Variants in DACT1 observed in about 807,000 individuals in gnomAD.
DACT1 encodes dapper homolog 1.
In DACT1, 19 loss-of-function variants were observed where a neutral mutation model predicts 35.3. The observed-to-expected ratio is 0.54, with a 90% CI of 0.38 to 0.79. The LOEUF (loss-of-function observed/expected upper bound fraction) is 0.79. DACT1 is among the 30% of genes least tolerant of loss of function. The pLI is 0.00. For missense variants in DACT1, 1,143 were observed against 1,057.5 expected (o/e 1.08, Z -1.12); for synonymous variants, 545 against 466.7 (o/e 1.17, Z -2.16).
chr14:58,640,106 G>C lies in DACT1; in HGVS notation c.346-630G>C, dbSNP rs571081822. On this transcript the variant is annotated intron_variant, in intron 1 of 3. Transcript: ENST00000395153. The stretch of plus-strand genomic sequence containing the variant: ...AAGCACTAGGTGGCAGTGTGAGTTA[G>C]CACAATCCATCTGTCACCTTTGGAA... Among the ~76,000 whole-genome samples the C allele has an allele frequency of 4.6e-5, 7 of 152,316 alleles. No individual in the cohort carries two copies. The South Asian group carries it at 1.5e-3, about 32-fold the overall frequency.
chr14:58,638,808 TC>T, intron 1 of DACT1: 1 of 1,167,902 alleles, frequency 8.6e-7, no homozygotes, highest in South Asian at 4.4e-5. Context: ...TGGCCGCTCT[TC>T]CCTCCTCCTC....
At chr14:58,641,568 T>C in intron 2 of DACT1, 24 bp from the exon 3 acceptor site, 1 of 1,606,056 alleles carries the variant, frequency 6.2e-7, no homozygotes, top group Non-Finnish European at 8.5e-7. Context: ...ATGATGTTAA[T>C]TCCAACGGTG....
chr14:58,642,115 GTGC>G (rs1387410243), intron 3 of DACT1, among the ~76,000 whole-genome samples: 11 of 152,306 alleles, frequency 7.2e-5, no homozygotes, highest in African/African-American at 2.6e-4. Context: ...ACTCAGCCAG[GTGC>G]AGTGGCTCAC....
chr14:58,638,676 C>A lies in DACT1; in HGVS notation c.345+129C>A, dbSNP rs563143762. ...CTCGCTGTTATGGGACGCCCCCGAC[C>A]GCCCCATACCTCCCTGATCCCCTTC... On this transcript the variant is annotated intron_variant, in intron 1 of 3. Coordinates refer to ENST00000395153, the MANE Select transcript of DACT1 (RefSeq NM_001079520.2). 1.2e-4 allele frequency: 145 copies of A among 1,209,440 alleles called. No homozygotes were observed. The Middle Eastern group carries it at 1.9e-3, about 16-fold the overall frequency. The allele number at this position is 1,209,440 out of a possible 1,614,324, so 74.9% of individuals were successfully genotyped here.
At position 58,646,762 on chromosome 14, in the gene DACT1, C is replaced by T. The variant is rs778935261; in HGVS notation, c.2028C>T (p.Tyr676=). ...GLYPAPVPLP[Y]ASPYAYVASD... is the part of the protein sequence containing the mutation. ...ACCCCGCGCCTGTGCCTCTGCCCTA[C>T]GCCAGCCCCTACGCCTACGTGGCTA... The change falls in exon 4 of 4, where the codon TAC becomes TAT. Residue 676 remains tyrosine, a synonymous_variant. Coordinates refer to ENST00000395153, the MANE Select transcript of DACT1 (RefSeq NM_001079520.2). 31 of 1,614,046 alleles carry T rather than the reference C, an allele frequency of 1.9e-5. No individual in the cohort carries two copies. In the African/African-American group the frequency reaches 3.5e-4, roughly 18 times the overall value.
Position 58,645,546 on chromosome 14 carries a change from G to A in DACT1, c.812G>A (p.Gly271Glu). The change falls in exon 4 of 4, where the codon GGA (glycine) becomes GAA (glutamate). Residue 271 changes from glycine (G) to glutamate (E), a missense_variant. Gly to Glu is a moderately conservative substitution (Grantham distance 98). This residue lies in a region of DACT1 where 1,054 missense variants were observed against 958.8 expected (regional missense o/e 1.10). Transcript: ENST00000395153. ...AACCATGCCAGTGACATTTGCGGTGGATCTGAGCTAGATGCCGTCAAAACA... is the reference window on the plus strand; with the variant it reads ...AACCATGCCAGTGACATTTGCGGTGAATCTGAGCTAGATGCCGTCAAAACA... ...LGNHASDICGGSELDAVKTDS... is the reference protein window; with the variant it reads ...LGNHASDICGESELDAVKTDS... The A allele has an allele frequency of 1.2e-6, 2 of 1,614,234 alleles. No individual in the cohort carries two copies. The highest frequency in any genetic ancestry group is 1.1e-5 in the South Asian group (1 of 91,088).
chr14:58,647,100 G>A lies in DACT1; in HGVS notation c.2366G>A (p.Arg789Gln), dbSNP rs977882241. 10 of 1,613,888 alleles carry A rather than the reference G, an allele frequency of 6.2e-6. No homozygotes were observed. Among genetic ancestry groups the A allele is most frequent in the African/African-American group, 4.0e-5 (3 of 74,854 alleles). ...HNLKKKILRF[R>Q]SGSLKLMTTV ...CTCAAGAAGAAGATCCTCCGCTTTC[G>A]GTCTGGCTCTTTGAAACTGATGACG... The change falls in exon 4 of 4, where the codon CGG becomes CAG. Residue 789 changes from arginine (R) to glutamine (Q), a missense_variant. By Grantham distance (43) the Arg-to-Gln change is conservative. Coordinates refer to ENST00000395153, the MANE Select transcript of DACT1 (RefSeq NM_001079520.2).
Position 58,643,057 on chromosome 14 carries a change from A to C in DACT1, c.634+1310A>C, listed in dbSNP as rs192915511. 9.5e-3 allele frequency among the ~76,000 whole-genome samples: 1,445 copies of C among 152,274 alleles called. 18 individuals carry two copies. Among genetic ancestry groups the C allele is most frequent in the Non-Finnish European group, 0.014 (943 of 68,026 alleles). On this transcript the variant is annotated intron_variant, in intron 3 of 3. Transcript: ENST00000395153. ...TGTATTAAAAAAATGAGTCCTAGTA[A>C]GGTTACATATGTTATTTAAGGCTCT...
rs368082534 is a variant in DACT1, at chr14:58,645,992, A to C, written c.1258A>C (p.Lys420Gln). 1 of 1,614,038 alleles carries C rather than the reference A, an allele frequency of 6.2e-7. No homozygotes were observed. Among genetic ancestry groups the C allele is most frequent in the African/African-American group, 1.3e-5 (1 of 75,070 alleles). The change falls in exon 4 of 4, where the codon AAG becomes CAG. Residue 420 changes from lysine (K) to glutamine (Q), a missense_variant. Transcript: ENST00000395153. ...GAGTAAGCACCTGCCAAAAACGGCC[A>C]AGCCAGCCTCGCAAGAACATGCTCG... The part of the protein sequence containing the change: ...LQSKHLPKTA[K>Q]PASQEHARCS...
chr14:58,642,620 A>G (rs2047638517), intron 3 of DACT1, among the ~76,000 whole-genome samples: 1 of 151,372 alleles, frequency 6.6e-6, no homozygotes, highest in Non-Finnish European at 1.5e-5. Flanking sequence ...CTTGAACCCC[A>G]GAGGCGGAGG....
At position 58,646,759 on chromosome 14, in the gene DACT1, C is replaced by T; in HGVS notation, c.2025C>T (p.Pro675=). 1 of 1,614,060 alleles carries T rather than the reference C, an allele frequency of 6.2e-7. No homozygotes were observed. The highest frequency in any genetic ancestry group is 8.5e-7 in the Non-Finnish European group (1 of 1,180,030). Residue 675 remains proline, a synonymous_variant, in exon 4 of 4, where the codon CCC becomes CCT. Transcript: ENST00000395153. ...TGTACCCCGCGCCTGTGCCTCTGCC[C>T]TACGCCAGCCCCTACGCCTACGTGG... The part of the protein sequence containing the change: ...VGLYPAPVPL[P]YASPYAYVAS...
At position 58,645,576 on chromosome 14, in the gene DACT1, G is replaced by A. The variant is rs1356947740; in HGVS notation, c.842G>A (p.Ser281Asn). 12 of 1,614,192 alleles carry A rather than the reference G, an allele frequency of 7.4e-6. No individual in the cohort carries two copies. The highest frequency in any genetic ancestry group is 1.0e-5 in the Non-Finnish European group (12 of 1,180,042). Reference sequence around the variant, plus strand: ...GAGCTAGATGCCGTCAAAACAGACAGTTCCTTACCGTCCCCAAGCAGTCTG... The same window carrying A: ...GAGCTAGATGCCGTCAAAACAGACAATTCCTTACCGTCCCCAAGCAGTCTG... ...GSELDAVKTD[S>N]SLPSPSSLWS... Residue 281 changes from serine to asparagine, a missense_variant, in exon 4 of 4, where the codon AGT (serine) becomes AAT (asparagine). Transcript: ENST00000395153.
At position 58,648,194 on chromosome 14, in the gene DACT1, A is replaced by G. The variant is rs1199049969; in HGVS notation, c.*1060A>G. 8 of 167,116 alleles carry G rather than the reference A, an allele frequency of 4.8e-5. No homozygotes were observed. The highest frequency in any genetic ancestry group is 1.2e-4 in the Non-Finnish European group (8 of 68,130). The allele number at this position is 167,116 out of a possible 1,614,324, so 10.4% of individuals were successfully genotyped here. A position where few individuals can be genotyped will look rare whatever the true frequency, so the allele number is the denominator to read the frequency against. ...CCTGTTGATGTTAAATTACTATATA[A>G]TATAAACAGTATGTGTTTTTATATA... is the stretch of plus-strand genomic sequence containing the variant. On this transcript the variant is annotated 3_prime_UTR_variant, in exon 4 of 4. Transcript: ENST00000395153.
At chr14:58,641,243 C>G (rs988703470) in intron 2 of DACT1, among the ~76,000 whole-genome samples, 1 of 145,164 alleles carries the variant, frequency 6.9e-6, no homozygotes, top group Non-Finnish European at 1.5e-5. Context: ...ATTTGGGCTC[C>G]TTAGATTTTT....
chr14:58,646,872 C>G lies in DACT1; in HGVS notation c.2138C>G (p.Thr713Ser), dbSNP rs1418426902. 1 of 1,614,052 alleles carries G rather than the reference C, an allele frequency of 6.2e-7. No individual in the cohort carries two copies. The change falls in exon 4 of 4, where the codon ACC becomes AGC. Residue 713 changes from threonine to serine, a missense_variant. This residue lies in a region of DACT1 where 1,054 missense variants were observed against 958.8 expected (regional missense o/e 1.10). Transcript: ENST00000395153. ...AGTGAGGACGAGCAGAGCAATTACA[C>G]CACCAACTGCTTCGGGGACAGCGAG... ...DTSEDEQSNY[T>S]TNCFGDSESS... is the part of the protein sequence containing the mutation.
rs750619602 is a variant in DACT1 at position 58,645,842 on chromosome 14, T to G, written c.1108T>G (p.Ser370Ala). 3 of 1,614,246 alleles carry G rather than the reference T, an allele frequency of 1.9e-6. No individual in the cohort carries two copies. The highest frequency in any genetic ancestry group is 2.5e-6 in the Non-Finnish European group (3 of 1,180,050). ...GTGTCTGCCCTCTGGCGGGATACCT[T>G]CTCTGAACAATGGGACATTCTCCCC... ...QACLPSGGIP[S>A]LNNGTFSPPK... The change falls in exon 4 of 4, where the codon TCT becomes GCT. Residue 370 changes from serine to alanine, a missense_variant. Physicochemically the swap from Ser to Ala is moderately conservative, Grantham distance 99. Coordinates refer to ENST00000395153, the MANE Select transcript of DACT1 (RefSeq NM_001079520.2).
chr14:58,636,465 G>T (rs1370066274), upstream of DACT1, among the ~76,000 whole-genome samples: 1 of 152,164 alleles, frequency 6.6e-6, no homozygotes, highest in African/African-American at 2.4e-5. Context: ...GGAGAGAAGA[G>T]ATACACATAA....
rs2047684432 is a variant in DACT1 at position 58,646,482 on chromosome 14, C to T, written c.1748C>T (p.Thr583Ile). 6.4e-7 allele frequency: 1 copy of T among 1,567,306 alleles called. No individual in the cohort carries two copies. The highest frequency in any genetic ancestry group is 8.6e-7 in the Non-Finnish European group (1 of 1,161,238). ...KKCRFPDDLD[T>I]NKKLKKASSK... ...TGTCGCTTCCCAGATGACTTGGATA[C>T]AAATAAGAAACTCAAGAAAGCCTCC... Residue 583 changes from threonine to isoleucine, a missense_variant, in exon 4 of 4, where the codon ACA becomes ATA. Thr to Ile is a moderately conservative substitution (Grantham distance 89, BLOSUM62 -1). Around this residue, in one of 3 missense-constraint regions of DACT1, gnomAD observed 1,054 missense variants for 958.8 expected, o/e 1.10. Coordinates refer to ENST00000395153, the MANE Select transcript of DACT1 (RefSeq NM_001079520.2).
chr14:58,638,017 C>A lies in DACT1; in HGVS notation c.-186C>A, dbSNP rs1002658448. On this transcript the variant is annotated 5_prime_UTR_variant, in exon 1 of 4. Transcript: ENST00000395153. ...GCGCGGCGACAGCGGACGGCGCTGC[C>A]CGGGCCGGGACAGCAGCAGCCGGCG... 12 of 475,450 alleles carry A rather than the reference C, an allele frequency of 2.5e-5. No individual in the cohort carries two copies. The highest frequency in any genetic ancestry group is 6.6e-4 in the Middle Eastern group (1 of 1,512). 29.5% of individuals were successfully genotyped at this position (475,450 alleles called of 1,614,324 possible).
Sources: gnomAD v4.1 joint callset for allele counts (sites outside exome capture counted in the v4.1 genomes callset) on GRCh38, gnomAD v4.1.1 for gene constraint, gnomAD v4.1.1 regional missense constraint, MANE v1.5 for transcripts, NCBI Gene and HGNC (gene_info 2026-07-23, HGNC 2026-07-21) for gene names.